Variants in CMYA5 observed in about 807,000 individuals in gnomAD.
CMYA5 encodes the protein cardiomyopathy associated 5.
A neutral mutation model predicts 318.9 loss-of-function variants in CMYA5; 246 were observed. The ratio of observed to expected loss-of-function variants is 0.77; its 90% CI spans 0.70 to 0.86. The LOEUF (loss-of-function observed/expected upper bound fraction) is 0.86, where lower values mean the gene tolerates loss of function less well. Among genes scored for constraint, CMYA5 ranks in the 40% least tolerant of loss-of-function variants. The pLI, the probability that CMYA5 is intolerant of heterozygous loss-of-function variation, is 0.00. For synonymous variants in CMYA5, 1,641 were observed against 1,729.5 expected, an observed-to-expected ratio of 0.95 and a Z score of 1.27; for missense variants, 4,589 against 4,678.2, an observed-to-expected ratio of 0.98 and a Z score of 0.56.
intron 9 of CMYA5, among the ~76,000 whole-genome samples, chr5:79,768,276 A>C (rs1828791172): frequency 6.6e-6 from 1 of 152,132 alleles, no homozygotes; most frequent in Non-Finnish European, 1.5e-5. Flanking sequence ...GTGTCTTTTA[A>C]TTGGGGCATT....
At chr5:79,798,643 T>C (rs1829317580) in intron 12 of CMYA5, among the ~76,000 whole-genome samples, 1 of 152,154 alleles carries the variant, frequency 6.6e-6, no homozygotes, top group Non-Finnish European at 1.5e-5. Flanking sequence ...TCCTGCTCCA[T>C]ACAGTATGGG....
At position 79,799,647 on chromosome 5, in the gene CMYA5, G is replaced by A. The variant is rs139467057; in HGVS notation, c.*31G>A. The A allele has an allele frequency of 9.8e-4, 1,548 of 1,586,766 alleles. 14 individuals are homozygous for A. In the African/African-American group the frequency reaches 0.018, roughly 19 times the overall value. On this transcript the variant is annotated 3_prime_UTR_variant, in exon 13 of 13. Coordinates refer to ENST00000446378, the MANE Select transcript of CMYA5 (RefSeq NM_153610.5). ...GGCTTTCAGAATTTGCAAGAACAGCGATTTGAATTTTGGGGGGGTCTGCTG... is the reference window on the plus strand; with the variant it reads ...GGCTTTCAGAATTTGCAAGAACAGCAATTTGAATTTTGGGGGGGTCTGCTG...
chr5:79,730,029 G>T lies in CMYA5; in HGVS notation c.1264G>T (p.Val422Leu), dbSNP rs1489191803. The T allele has an allele frequency of 6.2e-7, 1 of 1,613,976 alleles. No individual in the cohort carries two copies. The highest frequency in any genetic ancestry group is 8.5e-7 in the Non-Finnish European group (1 of 1,179,898). ...AGTCTCACCATCATTTGCTAATGAG[G>T]TAAAGAAGGAAGATGTGTATTCTGC... is the stretch of plus-strand genomic sequence containing the variant. ...SSVSPSFANEVKKEDVYSAHH... is the reference protein window; with the variant it reads ...SSVSPSFANELKKEDVYSAHH... The change falls in exon 2 of 13, where the codon GTA becomes TTA. Residue 422 changes from valine (V) to leucine (L), a missense_variant. Val to Leu is a conservative substitution (Grantham distance 32, BLOSUM62 1). Coordinates refer to ENST00000446378, the MANE Select transcript of CMYA5 (RefSeq NM_153610.5).
chr5:79,753,405 T>C (rs1828468899), intron 6 of CMYA5, among the ~76,000 whole-genome samples: 1 of 152,206 alleles, frequency 6.6e-6, no homozygotes. Flanking sequence ...CTGCCATGTT[T>C]CAGTGAAGTT....
At chr5:79,778,018 G>C (rs1282774627) in intron 9 of CMYA5, 2 of 152,206 alleles carry the variant, frequency 1.3e-5, no homozygotes, top group Non-Finnish European at 2.9e-5. Context: ...TACTCAGGAG[G>C]CTGAGGCAGG....
chr5:79,743,220 TAATTACGGCTA>T (rs1828253257), intron 2 of CMYA5, among the ~76,000 whole-genome samples: 1 of 152,238 alleles, frequency 6.6e-6, no homozygotes, highest in Admixed American at 6.5e-5. Flanking sequence ...GCTAGGTTTA[TAATTACGGCTA>T]AAGTGGGTAC....
chr5:79,729,928 C>G lies in CMYA5; in HGVS notation c.1163C>G (p.Thr388Ser). 6.2e-7 allele frequency: 1 copy of G among 1,613,820 alleles called. No individual in the cohort carries two copies. The highest frequency in any genetic ancestry group is 8.5e-7 in the Non-Finnish European group (1 of 1,179,822). ...TCTGTGACACCCGACACACCTGCAA[C>G]TATGTTCCTGAGAACAACAAAGGAA... ...PPSVTPDTPATMFLRTTKEEC... is the reference protein window; with the variant it reads ...PPSVTPDTPASMFLRTTKEEC... The change falls in exon 2 of 13, where the codon ACT (threonine) becomes AGT (serine). Residue 388 changes from threonine (T) to serine (S), a missense_variant. This residue lies in a region of CMYA5 where 2,132 missense variants were observed against 2,131.3 expected (regional missense o/e 1.00). Transcript: ENST00000446378.
rs1462288073 is a variant in CMYA5, at chr5:79,734,220, G to A, written c.5455G>A (p.Val1819Ile). ...AAAGATTGCTCCTTCTGACCTCCTT[G>A]TAGAACAAAAAAAGACAGAAAAAGC... ...PSKIAPSDLL[V>I]EQKKTEKALH... Residue 1819 changes from valine (V) to isoleucine (I), a missense_variant, in exon 2 of 13, where the codon GTA (valine) becomes ATA (isoleucine). Coordinates refer to ENST00000446378, the MANE Select transcript of CMYA5 (RefSeq NM_153610.5). 3 of 1,613,554 alleles carry A rather than the reference G, an allele frequency of 1.9e-6. No homozygotes were observed. The highest frequency in any genetic ancestry group is 2.7e-5 in the African/African-American group (2 of 74,884).
In CMYA5 at chr5:79,799,224, A is replaced by C. The variant is rs544168606; in HGVS notation, c.11964-146A>C. ...GCATTTTAGCATCTAGAAGAAATCT[A>C]GTGAAGTATTTGGGACAGCATTATT... On this transcript the variant is annotated intron_variant, in intron 12 of 12. Coordinates refer to ENST00000446378, the MANE Select transcript of CMYA5 (RefSeq NM_153610.5). 9 of 745,226 alleles carry C rather than the reference A, an allele frequency of 1.2e-5. No individual in the cohort carries two copies. In the East Asian group the frequency reaches 1.7e-4, roughly 14 times the overall value. 46.2% of individuals were successfully genotyped at this position (745,226 alleles called of 1,614,324 possible).
chr5:79,745,248 G>C lies in CMYA5; in HGVS notation c.10761G>C (p.Arg3587Ser), dbSNP rs375835142. 38 of 1,594,250 alleles carry C rather than the reference G, an allele frequency of 2.4e-5. No individual in the cohort carries two copies. The Admixed American group carries it at 2.8e-4, about 12-fold the overall frequency. The change falls in exon 4 of 13, where the codon AGG (arginine) becomes AGC (serine). Residue 3587 changes from arginine (R) to serine (S), a missense_variant. This residue lies in a region of CMYA5 where 2,431 missense variants were observed against 2,495.1 expected (regional missense o/e 0.97). Coordinates refer to ENST00000446378, the MANE Select transcript of CMYA5 (RefSeq NM_153610.5). ...AAAACTGTAGTAAAAATGAGAAAAG[G>C]CTAGAAGAACAGAATGAGGAAATGA... ...IEENCSKNEK[R>S]LEEQNEEMMK...
chr5:79,778,840 T>TGTGTGTGTGTGTGTGTGTATG (rs1453105123), intron 9 of CMYA5, among the ~76,000 whole-genome samples: 2 of 122,110 alleles, frequency 1.6e-5, no homozygotes, highest in African/African-American at 3.6e-5. Flanking sequence ...TGTGTGTATG[T>TGTGTGTGTGTGTGTGTGTATG]TTATTCACTC....
chr5:79,729,898 C>T lies in CMYA5; in HGVS notation c.1133C>T (p.Pro378Leu), dbSNP rs1386629099. 4 of 1,613,202 alleles carry T rather than the reference C, an allele frequency of 2.5e-6. No homozygotes were observed. The highest frequency in any genetic ancestry group is 3.4e-6 in the Non-Finnish European group (4 of 1,179,514). The change falls in exon 2 of 13, where the codon CCT becomes CTT. Residue 378 changes from proline (P) to leucine (L), a missense_variant. Around this residue, in one of 3 missense-constraint regions of CMYA5, gnomAD observed 2,132 missense variants for 2,131.3 expected, o/e 1.00. Transcript: ENST00000446378. ...EDEAKPHEVE[P>L]PSVTPDTPAT... ...GAAGCAAAACCACATGAAGTGGAAC[C>T]TCCATCTGTGACACCCGACACACCT...
In CMYA5 at chr5:79,730,230, C is replaced by T; in HGVS notation, c.1465C>T (p.Leu489Phe). 1 of 1,613,936 alleles carries T rather than the reference C, an allele frequency of 6.2e-7. No individual in the cohort carries two copies. ...CAAAGGAGAGAAGGAGGAAAACATG[C>T]TTGAGCCATCCATTTCTCTTTCTGA... ...SVKGEKEENM[L>F]EPSISLSEPL... is the part of the protein sequence containing the mutation. Residue 489 changes from leucine (L) to phenylalanine (F), a missense_variant, in exon 2 of 13, where the codon CTT becomes TTT. Physicochemically the swap from Leu to Phe is conservative, Grantham distance 22. This residue lies in a region of CMYA5 where 2,132 missense variants were observed against 2,131.3 expected (regional missense o/e 1.00). Coordinates refer to ENST00000446378, the MANE Select transcript of CMYA5 (RefSeq NM_153610.5).
In CMYA5 at chr5:79,756,709, C is replaced by A. The variant is rs1021314862; in HGVS notation, c.11111-2044C>A. Among the ~76,000 whole-genome samples, 114 of 152,204 alleles carry A rather than the reference C, an allele frequency of 7.5e-4. 1 individual carries two copies. The highest frequency in any genetic ancestry group is 2.5e-3 in the African/African-American group (105 of 41,538). The stretch of plus-strand genomic sequence containing the variant: ...TCAGTTTGTCTCTTTTTGCTACATT[C>A]TTTAGACCCATTTGTGTTTTTCTCA... On this transcript the variant is annotated intron_variant, in intron 6 of 12. Transcript: ENST00000446378.
chr5:79,776,496 T>C (rs1828941176), intron 9 of CMYA5, among the ~76,000 whole-genome samples: 1 of 152,116 alleles, frequency 6.6e-6, no homozygotes, highest in South Asian at 2.1e-4. Context: ...TTTTTTTCCT[T>C]CCCACCCCTT....
At chr5:79,710,683 A>G (rs536805351) in intron 1 of CMYA5, among the ~76,000 whole-genome samples, 4 of 152,216 alleles carry the variant, frequency 2.6e-5, no homozygotes, top group Admixed American at 2.6e-4. Context: ...AGTGAAATTT[A>G]TATTTGGTTA....
chr5:79,710,692 T>A (rs6862353), intron 1 of CMYA5, among the ~76,000 whole-genome samples: 98,525 of 151,972 alleles, frequency 0.65, 34,117 homozygotes, highest in African/African-American at 0.9. Flanking sequence ...TATATTTGGT[T>A]ATTAGAAAAA....
intron 7 of CMYA5, among the ~76,000 whole-genome samples, chr5:79,760,527 G>A (rs1828631419): frequency 6.6e-6 from 1 of 152,216 alleles, no homozygotes; most frequent in Admixed American, 6.5e-5. Context: ...AATCATGGCA[G>A]AAGGTGAAGG....
chr5:79,702,145 T>C (rs116647003), intron 1 of CMYA5, among the ~76,000 whole-genome samples: 3,218 of 152,108 alleles, frequency 0.021, 114 homozygotes, highest in African/African-American at 0.072. Flanking sequence ...GTGCAGTGGC[T>C]CACACCTGTA....
Sources: gnomAD v4.1 joint callset for allele counts (sites outside exome capture counted in the v4.1 genomes callset) on GRCh38, gnomAD v4.1.1 for gene constraint, gnomAD v4.1.1 regional missense constraint, MANE v1.5 for transcripts, NCBI Gene and HGNC (gene_info 2026-07-23, HGNC 2026-07-21) for gene names.